SPIDR: variants seen among roughly 807,000 people sequenced by gnomAD.
SPIDR encodes the protein DNA repair-scaffolding protein.
In SPIDR, 93 loss-of-function variants were observed where a neutral mutation model predicts 104.6. That is an observed-to-expected ratio of 0.89 (90% CI 0.75 to 1.06). The LOEUF (loss-of-function observed/expected upper bound fraction) is 1.06. SPIDR is among the 50% of genes least tolerant of loss of function. The pLI is 0.00. For synonymous variants in SPIDR, 431 were observed against 416.9 expected (o/e 1.03, Z -0.41); for missense variants, 1,154 against 1,111.2 (o/e 1.04, Z -0.55).
At chr8:47,642,371 G>A (rs111318572) in intron 10 of SPIDR, among the ~76,000 whole-genome samples, 2,864 of 150,502 alleles carry the variant, frequency 0.019, 90 homozygotes, top group African/African-American at 0.067. Flanking sequence ...AGCCAAGATC[G>A]TGCCACTGCA....
At chr8:47,485,932 A>G (rs1422312790) in intron 8 of SPIDR, among the ~76,000 whole-genome samples, 2 of 152,168 alleles carry the variant, frequency 1.3e-5, no homozygotes, top group Admixed American at 6.5e-5. Flanking sequence ...AAATTCTACA[A>G]ATCAGAGCGC....
intron 6 of SPIDR, among the ~76,000 whole-genome samples, chr8:47,397,263 C>T (rs1456036095): frequency 7.9e-5 from 12 of 152,054 alleles, no homozygotes; most frequent in African/African-American, 2.2e-4. Context: ...TTTGGGAAGC[C>T]GAGGTGGGTG....
At chr8:47,457,986 G>T (rs1341555832) in intron 8 of SPIDR, among the ~76,000 whole-genome samples, 1 of 152,136 alleles carries the variant, frequency 6.6e-6, no homozygotes, top group Non-Finnish European at 1.5e-5. Context: ...TGCTGTTTTG[G>T]TGGCTATGGC....
intron 8 of SPIDR, among the ~76,000 whole-genome samples, chr8:47,562,008 T>G (rs559961441): frequency 1.3e-5 from 2 of 152,348 alleles, no homozygotes; most frequent in Non-Finnish European, 2.9e-5. Context: ...TTCCAATCTT[T>G]CCAAGTTTTT....
chr8:47,477,920 G>A (rs782338708), intron 8 of SPIDR, among the ~76,000 whole-genome samples: 5 of 152,282 alleles, frequency 3.3e-5, no homozygotes, highest in East Asian at 1.9e-4. Flanking sequence ...AGACAGCTGC[G>A]CTTAGCTGGG....
At position 47,735,743 on chromosome 8, in the gene SPIDR, G is replaced by A; in HGVS notation, c.*293G>A. On this transcript the variant is annotated 3_prime_UTR_variant, in exon 20 of 20. Coordinates refer to ENST00000297423, the MANE Select transcript of SPIDR (RefSeq NM_001080394.4). Reference sequence around the variant, plus strand: ...CATTTGGTATTTAGGCAATATATGAGAAAAAAATTTTTTTTGTTCATTTGT... The same window carrying A: ...CATTTGGTATTTAGGCAATATATGAAAAAAAAATTTTTTTTGTTCATTTGT... 1 of 619,108 alleles carries A rather than the reference G, an allele frequency of 1.6e-6. No individual in the cohort carries two copies. Among genetic ancestry groups the A allele is most frequent in the Non-Finnish European group, 2.6e-6 (1 of 379,426 alleles). 38.4% of individuals were successfully genotyped at this position (619,108 alleles called of 1,614,324 possible).
chr8:47,521,599 T>C (rs2084101676), intron 8 of SPIDR, among the ~76,000 whole-genome samples: 2 of 151,654 alleles, frequency 1.3e-5, no homozygotes, highest in Non-Finnish European at 2.9e-5. Flanking sequence ...AATTTTTGTG[T>C]TTTTAGTAGA....
intron 7 of SPIDR, among the ~76,000 whole-genome samples, chr8:47,426,671 T>G (rs1273710290): frequency 6.6e-6 from 1 of 152,232 alleles, no homozygotes; most frequent in Non-Finnish European, 1.5e-5. Flanking sequence ...ATAAAGAAAT[T>G]TATTTCTCAC....
intron 5 of SPIDR, among the ~76,000 whole-genome samples, chr8:47,304,188 A>G (rs981212790): frequency 3.9e-5 from 6 of 152,156 alleles, no homozygotes; most frequent in Admixed American, 2.0e-4. Flanking sequence ...ATAGGGGACT[A>G]ATATAGTTTG....
intron 10 of SPIDR, among the ~76,000 whole-genome samples, chr8:47,647,616 AAGAGAGAGAGAGAGAGAG>A (rs369414271): frequency 1.7e-5 from 1 of 60,460 alleles, no homozygotes; most frequent in East Asian, 4.2e-4. Context: ...TCCATCTCGA[AAGAGAGAGAGAGAGAGAG>A]AGAGAGAGAG....
intron 11 of SPIDR, among the ~76,000 whole-genome samples, chr8:47,675,591 A>T (rs547337147): frequency 6.6e-6 from 1 of 152,222 alleles, no homozygotes; most frequent in South Asian, 2.1e-4. Flanking sequence ...CAGGCTGATC[A>T]CTTGAGGCCA....
Position 47,626,418 on chromosome 8 carries a change from C to G in SPIDR, c.1544+27222C>G, listed in dbSNP as rs551125381. 2.2e-4 allele frequency among the ~76,000 whole-genome samples: 34 copies of G among 152,290 alleles called. 1 individual carries two copies. The highest frequency in any genetic ancestry group is 3.4e-3 in the Middle Eastern group (1 of 294). On this transcript the variant is annotated intron_variant, in intron 10 of 19. Coordinates refer to ENST00000297423, the MANE Select transcript of SPIDR (RefSeq NM_001080394.4). ...CTAATTAAACTAAAGAGCTTCTGCA[C>G]AGCAAAAGAAACTACCATCAGAGTG...
intron 5 of SPIDR, among the ~76,000 whole-genome samples, chr8:47,312,447 G>C (rs1554586137): frequency 6.6e-6 from 1 of 152,160 alleles, no homozygotes; most frequent in Non-Finnish European, 1.5e-5. Context: ...TTATGGTTTT[G>C]ATTTGCATTT....
intron 5 of SPIDR, among the ~76,000 whole-genome samples, chr8:47,350,791 C>A (rs1427351583): frequency 1.3e-5 from 2 of 152,196 alleles, no homozygotes; most frequent in Non-Finnish European, 2.9e-5. Flanking sequence ...GAAACAACTT[C>A]TGTGTGATAC....
At chr8:47,285,891 C>T (rs1159779705) in intron 3 of SPIDR, among the ~76,000 whole-genome samples, 3 of 152,154 alleles carry the variant, frequency 2.0e-5, no homozygotes, top group African/African-American at 7.2e-5. Flanking sequence ...ACACAGTGGG[C>T]ACCCAGAAAT....
At chr8:47,343,510 T>C (rs369739577) in intron 5 of SPIDR, among the ~76,000 whole-genome samples, 45 of 152,186 alleles carry the variant, frequency 3.0e-4, no homozygotes, top group African/African-American at 1.1e-3. Flanking sequence ...TACAGACAGG[T>C]AGTGAGGGCC....
chr8:47,267,692 G>C (rs2034384881), intron 1 of SPIDR, among the ~76,000 whole-genome samples: 1 of 152,008 alleles, frequency 6.6e-6, no homozygotes, highest in Non-Finnish European at 1.5e-5. Context: ...GTTTTCATTG[G>C]GTTATTTGCT....
At chr8:47,517,551 T>G (rs1171966412) in intron 8 of SPIDR, among the ~76,000 whole-genome samples, 1 of 152,182 alleles carries the variant, frequency 6.6e-6, no homozygotes, top group Non-Finnish European at 1.5e-5. Flanking sequence ...CACAATATTC[T>G]GTTGATATAT....
chr8:47,674,051 T>C, intron 11 of SPIDR, 110 bp downstream of exon 11: 1 of 1,361,030 alleles, frequency 7.3e-7, no homozygotes, highest in Non-Finnish European at 9.8e-7. Context: ...ACCAGGATCC[T>C]AGAGTTTGCC....
Sources: allele counts gnomAD v4.1 joint callset (sites outside exome capture counted in the v4.1 genomes callset), GRCh38; gene constraint gnomAD v4.1.1; transcripts MANE v1.5; gene names NCBI Gene and HGNC (gene_info 2026-07-23, HGNC 2026-07-21).